The following CC2D1B variants were observed in gnomAD, a reference collection of about 807,000 sequenced individuals.
CC2D1B encodes coiled-coil and C2 domain containing 1B.
In CC2D1B, 92 loss-of-function variants were observed where a neutral mutation model predicts 110.8. The ratio of observed to expected loss-of-function variants is 0.83; its 90% CI spans 0.70 to 0.99. CC2D1B has a LOEUF of 0.99. Among genes scored for constraint, CC2D1B ranks in the 50% least tolerant of loss-of-function variants. The pLI, the probability that CC2D1B is intolerant of heterozygous loss-of-function variation, is 0.00. For missense variants in CC2D1B, 1,136 were observed against 1,089.0 expected (o/e 1.04, Z -0.61); for synonymous variants, 406 against 429.2 (o/e 0.95, Z 0.67).
In CC2D1B at chr1:52,355,367, G is replaced by A. The variant is rs755975631; in HGVS notation, c.2239+31C>T. 8.7e-6 allele frequency: 14 copies of A among 1,611,544 alleles called. No individual in the cohort carries two copies. In the African/African-American group the frequency reaches 1.7e-4, roughly 20 times the overall value. ...CCAGTGCTGCCCACACACTCTGAGG[G>A]AGGAGAAAGAGGCCCACGTGTGGCC... On this transcript the variant is annotated intron_variant, in intron 21 of 24. Coordinates refer to ENST00000284376, the MANE Select transcript of CC2D1B (RefSeq NM_001330585.2).
At chr1:52,362,483 TG>T in intron 3 of CC2D1B, 118 bp downstream of exon 3, 2 of 1,208,526 alleles carry the variant, frequency 1.7e-6, no homozygotes, top group Non-Finnish European at 2.4e-6. Context: ...GTGCGGCAGA[TG>T]GGTATTGGAA....
At position 52,359,265 on chromosome 1, in the gene CC2D1B, C is replaced by G; in HGVS notation, c.1111G>C (p.Val371Leu). ...ERVQPVMAPD[V>L]PATPVAPTES... Reference sequence around the variant, plus strand: ...CCTGCCCTACCTGGGGTTGCTGGGACGTCAGGGGCCATCACTGGCTGCACT... The same window carrying G: ...CCTGCCCTACCTGGGGTTGCTGGGAGGTCAGGGGCCATCACTGGCTGCACT... Residue 371 changes from valine to leucine, a missense_variant, in exon 10 of 25, where the codon GTC (valine) becomes CTC (leucine). Val to Leu is a conservative substitution (Grantham distance 32). Coordinates refer to ENST00000284376, the MANE Select transcript of CC2D1B (RefSeq NM_001330585.2). The G allele has an allele frequency of 1.2e-6, 2 of 1,612,664 alleles. No individual in the cohort carries two copies. The highest frequency in any genetic ancestry group is 1.7e-6 in the Non-Finnish European group (2 of 1,179,266).
intron 23 of CC2D1B, chr1:52,353,977 A>G (rs1646584285): frequency 3.5e-6 from 1 of 287,248 alleles, no homozygotes; most frequent in African/African-American, 2.2e-5. Context: ...CACTTCACAG[A>G]TGGCCAAGAG....
At chr1:52,358,935 A>G (rs1309159931) in intron 11 of CC2D1B, 92 bp downstream of exon 11, 2 of 1,546,578 alleles carry the variant, frequency 1.3e-6, no homozygotes, top group African/African-American at 2.7e-5. Flanking sequence ...ATGGTTCAGA[A>G]AAGACAAGGA....
At chr1:52,356,350 A>G in intron 17 of CC2D1B, 34 bp downstream of exon 17, 1 of 1,613,718 alleles carries the variant, frequency 6.2e-7, no homozygotes, top group Middle Eastern at 1.6e-4. Flanking sequence ...TCTGCTCCCC[A>G]CCCTATGAGC....
At chr1:52,355,534 T>C in intron 20 of CC2D1B, 74 bp downstream of exon 20, 1 of 1,608,502 alleles carries the variant, frequency 6.2e-7, no homozygotes, top group South Asian at 1.1e-5. Flanking sequence ...CTCCCAGGGA[T>C]GGGAAGAAAG....
chr1:52,365,401 G>A (rs1646860250), intron 1 of CC2D1B, among the ~76,000 whole-genome samples: 2 of 152,246 alleles, frequency 1.3e-5, no homozygotes, highest in South Asian at 4.1e-4. Flanking sequence ...CGCCTGAGCT[G>A]AGTCACGCAA....
chr1:52,354,845 G>C lies in CC2D1B; in HGVS notation c.2334C>G (p.His778Gln). The C allele has an allele frequency of 1.2e-6, 2 of 1,613,944 alleles. No homozygotes were observed. The highest frequency in any genetic ancestry group is 1.7e-6 in the Non-Finnish European group (2 of 1,179,784). The change falls in exon 22 of 25, where the codon CAC (histidine) becomes CAG (glutamine). Residue 778 changes from histidine (H) to glutamine (Q), a missense_variant. His to Gln is a conservative substitution (Grantham distance 24). Transcript: ENST00000284376. ...ATGACCGATAGGAGCCTCACCCTTT[G>C]TGGAAGATCTCAAACTTGATGCCTT... The part of the protein sequence containing the change: ...QSKGIKFEIF[H>Q]KGSFFRSDKL...
In CC2D1B at chr1:52,359,129, C is replaced by T. The variant is rs754417240; in HGVS notation, c.1155G>A (p.Leu385=). The T allele has an allele frequency of 6.8e-6, 11 of 1,611,096 alleles. No homozygotes were observed. The South Asian group carries it at 9.9e-5, about 14-fold the overall frequency. Residue 385 remains leucine, a synonymous_variant, in exon 11 of 25, where the codon CTG becomes CTA. Coordinates refer to ENST00000284376, the MANE Select transcript of CC2D1B (RefSeq NM_001330585.2). The part of the protein sequence containing the change: ...PVAPTESQTV[L]DALQQRLNKY... ...TGTTCAGCCTCTGCTGCAGGGCATC[C>T]AGCACTGTCTGTGACTCTGTAGGGG... is the stretch of plus-strand genomic sequence containing the variant.
At position 52,362,736 on chromosome 1, in the gene CC2D1B, A is replaced by G. The variant is rs1369639255; in HGVS notation, c.80T>C (p.Phe27Ser). ...GVAAAKQMGLFMEFGPEDMLL... is the reference protein window; with the variant it reads ...GVAAAKQMGLSMEFGPEDMLL... The stretch of plus-strand genomic sequence containing the variant: ...CATGTCCTCAGGGCCAAACTCCATA[A>G]AGAGCCCCATCTGAGAGCAGAGCAG... The change falls in exon 3 of 25, where the codon TTT (phenylalanine) becomes TCT (serine). Residue 27 changes from phenylalanine (F) to serine (S), a missense_variant. Physicochemically the swap from Phe to Ser is radical, Grantham distance 155. Coordinates refer to ENST00000284376, the MANE Select transcript of CC2D1B (RefSeq NM_001330585.2). 4 of 1,613,832 alleles carry G rather than the reference A, an allele frequency of 2.5e-6. No individual in the cohort carries two copies. The highest frequency in any genetic ancestry group is 1.3e-5 in the African/African-American group (1 of 74,868).
At chr1:52,353,463 G>GTT in intron 24 of CC2D1B, 55 bp downstream of exon 24, 4 of 1,563,872 alleles carry the variant, frequency 2.6e-6, no homozygotes, top group Non-Finnish European at 3.4e-6. Context: ...GAGTTGAGTA[G>GTT]TTAGTTGAGT....
intron 22 of CC2D1B, 21 bp downstream of exon 22, chr1:52,354,819 C>T (rs764408084): frequency 3.1e-6 from 5 of 1,610,676 alleles, no homozygotes; most frequent in East Asian, 2.2e-5. Flanking sequence ...CGTGTGGCAG[C>T]ATGACCGATA....
At position 52,360,509 on chromosome 1, in the gene CC2D1B, C is replaced by T. The variant is rs530369918; in HGVS notation, c.518G>A (p.Arg173Gln). 22 of 1,614,134 alleles carry T rather than the reference C, an allele frequency of 1.4e-5. No homozygotes were observed. In the South Asian group the frequency reaches 1.9e-4, roughly 14 times the overall value. Reference protein sequence around the residue: ...SQGLHALLEERIHNYREAAAS... With the variant: ...SQGLHALLEEQIHNYREAAAS... ...CGCAGCCTCTCGGTAGTTGTGAATC[C>T]GTTCCTCCAGCAAAGCGTGTAGCCC... Residue 173 changes from arginine to glutamine, a missense_variant, in exon 6 of 25, where the codon CGG (arginine) becomes CAG (glutamine). Arg to Gln is a conservative substitution (Grantham distance 43). Transcript: ENST00000284376.
chr1:52,359,617 TCTCA>T (rs1385922693), intron 8 of CC2D1B, 83 bp from the exon 9 acceptor site: 3 of 1,558,148 alleles, frequency 1.9e-6, no homozygotes, highest in African/African-American at 1.4e-5. Context: ...CTTAGGCCAA[TCTCA>T]CTCAATCTCA....
rs150767179 is a variant in CC2D1B, at chr1:52,355,812, T to C, written c.2087A>G (p.His696Arg). Residue 696 changes from histidine to arginine, a missense_variant, in exon 19 of 25, where the codon CAT (histidine) becomes CGT (arginine). Transcript: ENST00000284376. ...GTTCATTCCCCGGACAATGATCAGA[T>C]GCATTTCTGTGCTGTTGAGTTCTGA... ...IFSELNSTEMHLIIVRGMNLP... is the reference protein window; with the variant it reads ...IFSELNSTEMRLIIVRGMNLP... 26 of 1,614,086 alleles carry C rather than the reference T, an allele frequency of 1.6e-5. No homozygotes were observed. In the African/African-American group the frequency reaches 2.4e-4, roughly 15 times the overall value.
In CC2D1B at chr1:52,358,414, C is replaced by T. The variant is rs773651876; in HGVS notation, c.1378G>A (p.Asp460Asn). Reference protein sequence around the residue: ...GLESTMGVEEDAVAATLAAAE... With the variant: ...GLESTMGVEENAVAATLAAAE... ...GCTGCCAATGTCGCTGCCACTGCGT[C>T]CTCCTCAACACCCATAGTGGACTCC... The change falls in exon 13 of 25, where the codon GAC becomes AAC. Residue 460 changes from aspartate (D) to asparagine (N), a missense_variant. Transcript: ENST00000284376. The T allele has an allele frequency of 3.7e-6, 6 of 1,614,088 alleles. No individual in the cohort carries two copies. In the East Asian group the frequency reaches 1.1e-4, roughly 30 times the overall value.
At position 52,360,253 on chromosome 1, in the gene CC2D1B, C is replaced by T; in HGVS notation, c.604-20G>A. The stretch of plus-strand genomic sequence containing the variant: ...CAAGGTCTGAGGGAGAGAACTGGTC[C>T]AGAAACCCAGCCAGCCATCTCAGCC... On this transcript the variant is annotated intron_variant, in intron 6 of 24. Coordinates refer to ENST00000284376, the MANE Select transcript of CC2D1B (RefSeq NM_001330585.2). 2 of 1,613,144 alleles carry T rather than the reference C, an allele frequency of 1.2e-6. No homozygotes were observed. The highest frequency in any genetic ancestry group is 1.3e-5 in the African/African-American group (1 of 75,034).
At chr1:52,353,888 C>G in intron 23 of CC2D1B, 1 of 414,854 alleles carries the variant, frequency 2.4e-6, no homozygotes, top group Non-Finnish European at 4.3e-6. Context: ...GAGCTCTGTT[C>G]ATTTTCTCCT....
At position 52,354,917 on chromosome 1, in the gene CC2D1B, T is replaced by C. The variant is rs1195538736; in HGVS notation, c.2262A>G (p.Leu754=). The part of the protein sequence containing the change: ...NSPEFDQLFK[L]NINRNHRGFK... ...AGCCCCGGTGGTTTCGGTTGATGTT[T>C]AGTTTGAAGAGTTGATCAAATTCTG... The change falls in exon 22 of 25, where the codon CTA becomes CTG. Residue 754 remains leucine, a synonymous_variant. Coordinates refer to ENST00000284376, the MANE Select transcript of CC2D1B (RefSeq NM_001330585.2). 1.2e-6 allele frequency: 2 copies of C among 1,614,006 alleles called. No homozygotes were observed. Among genetic ancestry groups the C allele is most frequent in the East Asian group, 4.5e-5 (2 of 44,890 alleles).
Sources: gnomAD v4.1 joint callset for allele counts (sites outside exome capture counted in the v4.1 genomes callset) on GRCh38, gnomAD v4.1.1 for gene constraint, MANE v1.5 for transcripts, NCBI Gene and HGNC (gene_info 2026-07-23, HGNC 2026-07-21) for gene names.